The following PAX7 variants were observed in gnomAD, a reference collection of about 807,000 sequenced individuals.
PAX7 encodes the protein paired box 7.
Under a neutral mutation model 50.7 loss-of-function variants are expected in PAX7, and 18 were observed. The ratio of observed to expected loss-of-function variants is 0.36; its 90% CI spans 0.25 to 0.53. The LOEUF (loss-of-function observed/expected upper bound fraction) is 0.53. Ranked by LOEUF, PAX7 falls within the 20% of genes least tolerant of loss-of-function variation. The pLI is 0.93. For synonymous variants in PAX7, 310 were observed against 290.4 expected (o/e 1.07, Z -0.69); for missense variants, 644 against 702.9 (o/e 0.92, Z 0.95).
At chr1:18,641,950 A>G (rs2088262218) in intron 4 of PAX7, among the ~76,000 whole-genome samples, 1 of 108,528 alleles carries the variant, frequency 9.2e-6, no homozygotes, top group South Asian at 2.8e-4. Flanking sequence ...ACCCGGATTA[A>G]CCTCCCCCCC....
chr1:18,645,291 G>A (rs1178095581), intron 4 of PAX7, among the ~76,000 whole-genome samples: 3 of 152,268 alleles, frequency 2.0e-5, no homozygotes, highest in African/African-American at 7.2e-5. Flanking sequence ...GGCGGAGGGA[G>A]GAGCGGCTGG....
At chr1:18,635,061 TC>T (rs750568811) in intron 2 of PAX7, 49 bp from the exon 3 acceptor site, 23 of 1,598,614 alleles carry the variant, frequency 1.4e-5, no homozygotes, top group Non-Finnish European at 8.5e-7. Context: ...AGTATTTTCC[TC>T]CCCCCATCCC....
At chr1:18,674,046 G>T (rs974935785) in intron 4 of PAX7, among the ~76,000 whole-genome samples, 1 of 152,212 alleles carries the variant, frequency 6.6e-6, no homozygotes, top group Non-Finnish European at 1.5e-5. Flanking sequence ...CAACAATCAC[G>T]TTGGCTTGAA....
At chr1:18,675,829 G>A (rs1249237945) in intron 4 of PAX7, among the ~76,000 whole-genome samples, 2 of 152,148 alleles carry the variant, frequency 1.3e-5, no homozygotes, top group African/African-American at 2.4e-5. Flanking sequence ...TTCTTCTCTT[G>A]GTGGTGTCTC....
chr1:18,672,796 G>A (rs777461007), intron 4 of PAX7, among the ~76,000 whole-genome samples: 3 of 151,848 alleles, frequency 2.0e-5, no homozygotes, highest in Non-Finnish European at 4.4e-5. Context: ...GGTAGAGAGG[G>A]GGGTTTCATC....
Position 18,744,839 on chromosome 1 carries a change from T to C in PAX7, c.1428T>C (p.Asn476=), listed in dbSNP as rs1284160382. 19 of 1,555,504 alleles carry C rather than the reference T, an allele frequency of 1.2e-5. No homozygotes were observed. Among genetic ancestry groups the C allele is most frequent in the Non-Finnish European group, 1.6e-5 (18 of 1,149,188 alleles). ...GQTAVDYLAK[N]VSLSTQRRMK... is the part of the protein sequence containing the mutation. Reference sequence around the variant, plus strand: ...CTGCTGTTGATTATCTGGCCAAAAATGTGAGCCTCTCCACCCAGCGTCGCA... The same window carrying C: ...CTGCTGTTGATTATCTGGCCAAAAACGTGAGCCTCTCCACCCAGCGTCGCA... Residue 476 remains asparagine (N), a synonymous_variant, in exon 9 of 9, where the codon AAT becomes AAC. Coordinates refer to ENST00000420770, the MANE Select transcript of PAX7 (RefSeq NM_001135254.2).
At chr1:18,695,931 G>A (rs1168278260) in intron 5 of PAX7, among the ~76,000 whole-genome samples, 1 of 152,130 alleles carries the variant, frequency 6.6e-6, no homozygotes, top group Non-Finnish European at 1.5e-5. Context: ...TTGGAACCCT[G>A]CTCTGTGCTT....
chr1:18,725,773 T>A (rs543230297), intron 7 of PAX7, among the ~76,000 whole-genome samples: 2 of 152,248 alleles, frequency 1.3e-5, no homozygotes, highest in South Asian at 4.2e-4. Flanking sequence ...CAGAGATGGT[T>A]TCAGAATCTC....
rs2088151402 is a variant in PAX7 at position 18,636,136 on chromosome 1, G to A, written c.452-101G>A. The A allele has an allele frequency of 2.4e-6, 3 of 1,225,440 alleles. No homozygotes were observed. The highest frequency in any genetic ancestry group is 3.5e-6 in the Non-Finnish European group (3 of 857,312). The allele number at this position is 1,225,440 out of a possible 1,614,324, so 75.9% of individuals were successfully genotyped here. A position where few individuals can be genotyped will look rare whatever the true frequency, so the allele number is the denominator to read the frequency against. On this transcript the variant is annotated intron_variant, in intron 3 of 8. Coordinates refer to ENST00000420770, the MANE Select transcript of PAX7 (RefSeq NM_001135254.2). This position sits in a 1 kb window ranked among gnomAD's most constrained non-coding sequence, Gnocchi z 5.1. ...AAGAGGGATGAATGGATATCTGTAA[G>A]GAAGCAGGGGGCTTCCTGACTTTCT...
chr1:18,669,271 C>T (rs563668943), intron 4 of PAX7, among the ~76,000 whole-genome samples: 21 of 152,340 alleles, frequency 1.4e-4, no homozygotes, highest in African/African-American at 5.1e-4. Context: ...CTGCTGGCAG[C>T]CTCTGGTTCC....
intron 4 of PAX7, among the ~76,000 whole-genome samples, chr1:18,647,749 T>G (rs1228399027): frequency 1.3e-5 from 2 of 152,166 alleles, no homozygotes; most frequent in East Asian, 3.8e-4. Flanking sequence ...CCAAGGCTTC[T>G]TTCAGTCACT....
At chr1:18,683,833 G>C (rs866158419) in intron 4 of PAX7, among the ~76,000 whole-genome samples, 6 of 152,250 alleles carry the variant, frequency 3.9e-5, no homozygotes, top group African/African-American at 1.2e-4. Flanking sequence ...CAGGGAGACT[G>C]TCTCAAAAAT....
At chr1:18,656,548 A>C (rs1018263308) in intron 4 of PAX7, among the ~76,000 whole-genome samples, 2 of 152,096 alleles carry the variant, frequency 1.3e-5, no homozygotes. Flanking sequence ...AGCACTTTGA[A>C]ATTTGGATTT....
chr1:18,729,340 G>A (rs2089616756), intron 7 of PAX7, among the ~76,000 whole-genome samples: 1 of 152,296 alleles, frequency 6.6e-6, no homozygotes, highest in Non-Finnish European at 1.5e-5. Context: ...CAGGGGGCAG[G>A]AGGGAGTGGC....
At chr1:18,720,036 C>A (rs539609460) in intron 7 of PAX7, among the ~76,000 whole-genome samples, 3 of 152,180 alleles carry the variant, frequency 2.0e-5, no homozygotes, top group Admixed American at 2.0e-4. Context: ...ATGTTGGAAC[C>A]AAAACCCTTG....
At chr1:18,651,768 CA>C (rs907325502) in intron 4 of PAX7, among the ~76,000 whole-genome samples, 5 of 151,288 alleles carry the variant, frequency 3.3e-5, no homozygotes, top group African/African-American at 1.2e-4. Flanking sequence ...CGTCCCTCCC[CA>C]ACACCCTCCC....
rs2088151086 is a variant in PAX7, at chr1:18,636,123, T to A, written c.452-114T>A. 4 of 1,066,010 alleles carry A rather than the reference T, an allele frequency of 3.8e-6. No homozygotes were observed. The highest frequency in any genetic ancestry group is 5.6e-6 in the Non-Finnish European group (4 of 717,220). The allele number at this position is 1,066,010 out of a possible 1,614,324, so 66.0% of individuals were successfully genotyped here. A position where few individuals can be genotyped will look rare whatever the true frequency, so the allele number is the denominator to read the frequency against. On this transcript the variant is annotated intron_variant, in intron 3 of 8. Coordinates refer to ENST00000420770, the MANE Select transcript of PAX7 (RefSeq NM_001135254.2). This position sits in a 1 kb window ranked among gnomAD's most constrained non-coding sequence, Gnocchi z 5.1. ...TGCCTGTGTGTGGAAGAGGGATGAA[T>A]GGATATCTGTAAGGAAGCAGGGGGC...
At chr1:18,663,936 T>A (rs2088632968) in intron 4 of PAX7, among the ~76,000 whole-genome samples, 1 of 152,232 alleles carries the variant, frequency 6.6e-6, no homozygotes, top group South Asian at 2.1e-4. Flanking sequence ...AGTCTTCCCT[T>A]TTCCCTCCCA....
Position 18,636,976 on chromosome 1 carries a change from T to C in PAX7, c.586+605T>C, listed in dbSNP as rs1256884689. ...GGGGGACAGAGAGTGCCTTCCTCTG[T>C]GGCGTGCGCCGGCAGGGCTGGGAGT... On this transcript the variant is annotated intron_variant, in intron 4 of 8. Coordinates refer to ENST00000420770, the MANE Select transcript of PAX7 (RefSeq NM_001135254.2). This position sits in a 1 kb window ranked among gnomAD's most constrained non-coding sequence, Gnocchi z 5.1. Among the ~76,000 whole-genome samples the C allele has an allele frequency of 6.6e-6, 1 of 152,156 alleles. No individual in the cohort carries two copies. Among genetic ancestry groups the C allele is most frequent in the Non-Finnish European group, 1.5e-5 (1 of 68,020 alleles).
Sources: gnomAD v4.1 joint callset for allele counts (sites outside exome capture counted in the v4.1 genomes callset) on GRCh38, gnomAD v4.1.1 for gene constraint, Gnocchi (gnomAD v3.1) non-coding constraint, MANE v1.5 for transcripts, NCBI Gene and HGNC (gene_info 2026-07-23, HGNC 2026-07-21) for gene names.